PTPN13: variants seen among roughly 807,000 people sequenced by gnomAD.
PTPN13 encodes tyrosine-protein phosphatase non-receptor type 13.
Under a neutral mutation model 284.0 loss-of-function variants are expected in PTPN13, and 191 were observed. The ratio of observed to expected loss-of-function variants is 0.67; its 90% CI spans 0.60 to 0.76. PTPN13 has a LOEUF of 0.76. PTPN13 is among the 30% of genes least tolerant of loss of function. The probability of loss-of-function intolerance (pLI) is 0.00; values close to 1 mark genes in which losing one functional copy is unlikely to be tolerated. For missense variants in PTPN13, 2,797 were observed against 2,939.9 expected (o/e 0.95, Z 1.12); for synonymous variants, 986 against 1,022.3 (o/e 0.96, Z 0.68).
In PTPN13 at chr4:86,785,887, C is replaced by T; in HGVS notation, c.6296C>T (p.Thr2099Ile). Residue 2099 changes from threonine to isoleucine, a missense_variant, in exon 40 of 48, where the codon ACA (threonine) becomes ATA (isoleucine). By Grantham distance (89) the Thr-to-Ile change is moderately conservative. Transcript: ENST00000411767. ...KMNGKLSEER[T>I]EDTDCDGSPL... ...AATGGGAAGTTATCAGAAGAGAGAA[C>T]AGAAGATACAGACTGCGATGGTTCA... The T allele has an allele frequency of 6.4e-7, 1 of 1,568,644 alleles. No individual in the cohort carries two copies.
At chr4:86,791,040 G>A (rs758438208) in intron 40 of PTPN13, among the ~76,000 whole-genome samples, 23 of 152,086 alleles carry the variant, frequency 1.5e-4, no homozygotes, top group Non-Finnish European at 2.5e-4. Context: ...AGGGTGGGGC[G>A]TCGCCTCACA....
chr4:86,785,344 G>A lies in PTPN13; in HGVS notation c.6232G>A (p.Ala2078Thr). Reference protein sequence around the residue: ...EAQNLLNENNAAGYSCGPGTL... With the variant: ...EAQNLLNENNTAGYSCGPGTL... ...CCAGAATCTTTTAAACGAAAATAAT[G>A]CAGCAGGATACTCCTGTGGTCCAGG... Residue 2078 changes from alanine (A) to threonine (T), a missense_variant, in exon 39 of 48, where the codon GCA becomes ACA. Ala to Thr is a moderately conservative substitution (Grantham distance 58). Coordinates refer to ENST00000411767, the MANE Select transcript of PTPN13 (RefSeq NM_080683.3). 1 of 1,611,868 alleles carries A rather than the reference G, an allele frequency of 6.2e-7. No homozygotes were observed. The highest frequency in any genetic ancestry group is 8.5e-7 in the Non-Finnish European group (1 of 1,178,622).
chr4:86,782,830 ATAGT>A (rs1434770598), intron 37 of PTPN13, among the ~76,000 whole-genome samples: 3 of 152,222 alleles, frequency 2.0e-5, no homozygotes, highest in Non-Finnish European at 4.4e-5. Flanking sequence ...AAACTAATAC[ATAGT>A]TAAATTCCAT....
chr4:86,746,502 G>A, intron 17 of PTPN13, among the ~76,000 whole-genome samples: 1 of 146,646 alleles, frequency 6.8e-6, no homozygotes, highest in East Asian at 1.9e-4. Context: ...AATCATGATA[G>A]GGGTGGAGGT....
chr4:86,622,887 C>T (rs1436924145), intron 1 of PTPN13, among the ~76,000 whole-genome samples: 1 of 152,186 alleles, frequency 6.6e-6, no homozygotes. Context: ...GCATTGCAAA[C>T]ATAACATACA....
At chr4:86,764,820 G>A in intron 25 of PTPN13, 96 bp downstream of exon 25, 2 of 1,377,324 alleles carry the variant, frequency 1.5e-6, no homozygotes, top group Non-Finnish European at 1.9e-6. Flanking sequence ...TGCATCAAAA[G>A]GGACACATCA....
At chr4:86,719,517 G>C (rs1733407983) in intron 9 of PTPN13, among the ~76,000 whole-genome samples, 1 of 152,134 alleles carries the variant, frequency 6.6e-6, no homozygotes, top group African/African-American at 2.4e-5. Flanking sequence ...TGGGTCTAAT[G>C]GTAGTTCTGC....
Position 86,758,945 on chromosome 4 carries a change from A to G in PTPN13, c.3425A>G (p.Asp1142Gly), listed in dbSNP as rs1738340677. The G allele has an allele frequency of 6.2e-7, 1 of 1,612,314 alleles. No individual in the cohort carries two copies. Among genetic ancestry groups the G allele is most frequent in the South Asian group, 1.1e-5 (1 of 90,634 alleles). Residue 1142 changes from aspartate to glycine, a missense_variant, in exon 23 of 48, where the codon GAC (aspartate) becomes GGC (glycine). Transcript: ENST00000411767. ...ADLDGCLKPGDRLISVNSVSL... is the reference protein window; with the variant it reads ...ADLDGCLKPGGRLISVNSVSL... Reference sequence around the variant, plus strand: ...ACTGGATTGTCTATTTGTACAGGAGACCGTTTGATATCTGTGAATAGTGTG... The same window carrying G: ...ACTGGATTGTCTATTTGTACAGGAGGCCGTTTGATATCTGTGAATAGTGTG...
At chr4:86,729,661 AG>A (rs1198191715) in intron 10 of PTPN13, among the ~76,000 whole-genome samples, 2 of 149,730 alleles carry the variant, frequency 1.3e-5, no homozygotes, top group Non-Finnish European at 3.0e-5. Context: ...TGTGTCACAA[AG>A]TTCTTGTGCC....
intron 36 of PTPN13, among the ~76,000 whole-genome samples, chr4:86,780,975 G>C (rs183187975): frequency 3.3e-5 from 5 of 152,284 alleles, no homozygotes; most frequent in Admixed American, 2.0e-4. Context: ...AGCATTTAGG[G>C]GAACAGGAGA....
At chr4:86,672,284 G>T in intron 2 of PTPN13, 81 bp from the exon 3 acceptor site, 1 of 1,190,894 alleles carries the variant, frequency 8.4e-7, no homozygotes, top group African/African-American at 1.5e-5. Context: ...CCATTGAAGT[G>T]ATTGCTGTTT....
At chr4:86,622,730 T>C (rs943994946) in intron 1 of PTPN13, among the ~76,000 whole-genome samples, 7 of 152,204 alleles carry the variant, frequency 4.6e-5, no homozygotes, top group African/African-American at 1.7e-4. Flanking sequence ...TGTCCTTGGA[T>C]GTCTCTTCTA....
chr4:86,728,073 C>A (rs1009445604), intron 10 of PTPN13, among the ~76,000 whole-genome samples: 4 of 149,672 alleles, frequency 2.7e-5, no homozygotes, highest in South Asian at 2.1e-4. Flanking sequence ...TTGTTATATA[C>A]CCAGTAGTCA....
At chr4:86,690,872 T>C (rs1262891014) in intron 5 of PTPN13, among the ~76,000 whole-genome samples, 1 of 152,182 alleles carries the variant, frequency 6.6e-6, no homozygotes, top group East Asian at 1.9e-4. Flanking sequence ...TGTTCATTTA[T>C]GTATGAAACC....
At chr4:86,786,715 A>G (rs1270318976) in intron 40 of PTPN13, among the ~76,000 whole-genome samples, 3 of 152,226 alleles carry the variant, frequency 2.0e-5, no homozygotes, top group Non-Finnish European at 1.5e-5. Context: ...TCACATTTTT[A>G]TTAATATTTA....
At position 86,807,728 on chromosome 4, in the gene PTPN13, T is replaced by C. The variant is rs774231142; in HGVS notation, c.6914T>C (p.Ile2305Thr). The C allele has an allele frequency of 6.2e-7, 1 of 1,614,004 alleles. No homozygotes were observed. Among genetic ancestry groups the C allele is most frequent in the South Asian group, 1.1e-5 (1 of 91,082 alleles). The part of the protein sequence containing the change: ...QMIWEQKSTV[I>T]AMMTQEVEGE... Reference sequence around the variant, plus strand: ...ATTTGGGAGCAAAAATCCACAGTGATAGCCATGATGACTCAAGAAGTAGAA... The same window carrying C: ...ATTTGGGAGCAAAAATCCACAGTGACAGCCATGATGACTCAAGAAGTAGAA... Residue 2305 changes from isoleucine to threonine, a missense_variant, in exon 45 of 48, where the codon ATA becomes ACA. Physicochemically the swap from Ile to Thr is moderately conservative, Grantham distance 89. Transcript: ENST00000411767.
At chr4:86,722,490 G>T in intron 10 of PTPN13, 56 bp downstream of exon 10, 1 of 1,455,954 alleles carries the variant, frequency 6.9e-7, no homozygotes, top group Non-Finnish European at 9.6e-7. Context: ...GGGAACTCTT[G>T]GGCAAAGTAC....
chr4:86,680,311 C>T (rs1028032947), intron 3 of PTPN13, among the ~76,000 whole-genome samples: 13 of 152,034 alleles, frequency 8.6e-5, no homozygotes, highest in African/African-American at 1.2e-4. Flanking sequence ...TTCCTTGACT[C>T]TCATCTTTCC....
intron 7 of PTPN13, among the ~76,000 whole-genome samples, chr4:86,716,034 T>C (rs1236796500): frequency 6.6e-6 from 1 of 152,254 alleles, no homozygotes; most frequent in Non-Finnish European, 1.5e-5. Flanking sequence ...TTGGGGTACT[T>C]GTCTTCCACA....
Sources: allele counts gnomAD v4.1 joint callset (sites outside exome capture counted in the v4.1 genomes callset), GRCh38; gene constraint gnomAD v4.1.1; transcripts MANE v1.5; gene names NCBI Gene and HGNC (gene_info 2026-07-23, HGNC 2026-07-21).